ACER1: variants seen among roughly 807,000 people sequenced by gnomAD.
ACER1 encodes CTB-180A7.3.
A neutral mutation model predicts 24.9 loss-of-function variants in ACER1; 28 were observed. The ratio of observed to expected loss-of-function variants is 1.13; its 90% CI spans 0.83 to 1.54. ACER1 has a LOEUF of 1.54. Among genes scored for constraint, ACER1 ranks in the 40% most tolerant of loss-of-function variants. The pLI is 0.00. For missense variants in ACER1, 352 were observed against 349.3 expected, an observed-to-expected ratio of 1.01 and a Z score of -0.06; for synonymous variants, 132 against 131.4, an observed-to-expected ratio of 1.00 and a Z score of -0.03.
chr19:6,324,842 A>G (rs2091651472), intron 1 of ACER1, among the ~76,000 whole-genome samples: 1 of 146,060 alleles, frequency 6.8e-6, no homozygotes, highest in African/African-American at 2.5e-5. Flanking sequence ...GGAAGGAAGG[A>G]AGGAAAGAGA....
chr19:6,321,738 G>A (rs1017091991), intron 1 of ACER1, among the ~76,000 whole-genome samples: 1 of 152,156 alleles, frequency 6.6e-6, no homozygotes, highest in African/African-American at 2.4e-5. Flanking sequence ...CTCCCAAGTA[G>A]CTGGGACTAC....
intron 1 of ACER1, among the ~76,000 whole-genome samples, chr19:6,315,560 T>C (rs2091599425): frequency 6.6e-6 from 1 of 152,056 alleles, no homozygotes; most frequent in South Asian, 2.1e-4. Context: ...TTTGTATTTT[T>C]AGTAGAGGCG....
the ACER1 span, among the ~76,000 whole-genome samples, chr19:6,339,310 G>C: frequency 0.011 from 1,650 of 152,254 alleles, 33 homozygotes; most frequent in African/African-American, 0.037. Context: ...TCTGATACAG[G>C]CAACAACGTG....
At chr19:6,342,442 G>A in the ACER1 span, among the ~76,000 whole-genome samples, 757 of 152,030 alleles carry the variant, frequency 5.0e-3, 3 homozygotes, top group South Asian at 0.015. Context: ...ATTTCAGACC[G>A]GGAGTGGTGG....
the ACER1 span, among the ~76,000 whole-genome samples, chr19:6,351,232 G>A: frequency 6.6e-6 from 1 of 152,048 alleles, no homozygotes; most frequent in African/African-American, 2.4e-5. Flanking sequence ...CGGGCCTGGT[G>A]GCGGGCACCT....
the ACER1 span, among the ~76,000 whole-genome samples, chr19:6,347,385 T>C: frequency 7.0e-6 from 1 of 143,246 alleles, no homozygotes; most frequent in Non-Finnish European, 1.5e-5. Flanking sequence ...ACTCAGCTAA[T>C]GTTTCTGAAT....
the ACER1 span, among the ~76,000 whole-genome samples, chr19:6,347,109 A>AT: frequency 0.021 from 2,357 of 113,670 alleles, 32 homozygotes; most frequent in East Asian, 0.041. Flanking sequence ...AAAAAAAAAA[A>AT]ATATATATAT....
chr19:6,335,739 G>A (rs2091711653), upstream of ACER1, among the ~76,000 whole-genome samples: 1 of 151,632 alleles, frequency 6.6e-6, no homozygotes, highest in Admixed American at 6.6e-5. Context: ...GCTGAGGCAG[G>A]AGAATGGCAT....
At chr19:6,337,437 G>A (rs563467813), upstream of ACER1, among the ~76,000 whole-genome samples, 1 of 151,090 alleles carries the variant, frequency 6.6e-6, no homozygotes, top group South Asian at 2.1e-4. Context: ...TTCACGGTAG[G>A]GTTACAAAGT....
chr19:6,333,524 A>C lies in ACER1; in HGVS notation c.28T>G (p.Ser10Ala), dbSNP rs1224389627. 6.3e-7 allele frequency: 1 copy of C among 1,589,216 alleles called. No individual in the cohort carries two copies. Among genetic ancestry groups the C allele is most frequent in the Non-Finnish European group, 8.6e-7 (1 of 1,167,076 alleles). The change falls in exon 1 of 6, where the codon TCC becomes GCC. Residue 10 changes from serine to alanine, a missense_variant. By Grantham distance (99) the Ser-to-Ala change is moderately conservative. Transcript: ENST00000301452. MPSIFAYQS[S>A]EVDWCESNFQ... The stretch of plus-strand genomic sequence containing the variant: ...TTGCTCTCACACCAGTCCACCTCGG[A>C]GCTCTGATAGGCGAAGATGCTAGGC...
chr19:6,308,651 T>C (rs2091563084), intron 4 of ACER1, among the ~76,000 whole-genome samples: 1 of 152,048 alleles, frequency 6.6e-6, no homozygotes, highest in Admixed American at 6.6e-5. Flanking sequence ...GGGGTAGAGG[T>C]ATGTGTGCCT....
intron 1 of ACER1, among the ~76,000 whole-genome samples, chr19:6,331,274 T>C (rs547153719): frequency 6.8e-6 from 1 of 147,956 alleles, no homozygotes; most frequent in South Asian, 2.1e-4. Flanking sequence ...CTTAGCCTCC[T>C]GAGTAGCTGG....
chr19:6,354,552 T>C, the ACER1 span, among the ~76,000 whole-genome samples: 1 of 152,214 alleles, frequency 6.6e-6, no homozygotes. Context: ...ATAAGTTTCA[T>C]TTTATAAGAC....
chr19:6,318,235 C>T (rs138098569), intron 1 of ACER1, among the ~76,000 whole-genome samples: 202 of 149,478 alleles, frequency 1.4e-3, no homozygotes, highest in African/African-American at 4.7e-3. Flanking sequence ...TTTGGGAGGC[C>T]GAGGTGGGCC....
intron 1 of ACER1, among the ~76,000 whole-genome samples, chr19:6,323,418 C>G (rs1193946229): frequency 7.8e-6 from 1 of 128,308 alleles, no homozygotes. Flanking sequence ...GACTCCGTCT[C>G]AAAAAAAAAA....
chr19:6,355,044 C>T, the ACER1 span, among the ~76,000 whole-genome samples: 1 of 152,132 alleles, frequency 6.6e-6, no homozygotes, highest in African/African-American at 2.4e-5. Flanking sequence ...GGGCTGGTCT[C>T]CAGCTCCTAA....
chr19:6,312,526 A>G (rs755007892), intron 1 of ACER1, 27 bp from the exon 2 acceptor site: 2 of 1,585,684 alleles, frequency 1.3e-6, no homozygotes, highest in Admixed American at 3.3e-5. Context: ...CATAGGGAGG[A>G]GCTCGTCAGA....
intron 4 of ACER1, among the ~76,000 whole-genome samples, chr19:6,309,274 T>C (rs1600233640): frequency 6.6e-6 from 1 of 151,934 alleles, no homozygotes; most frequent in East Asian, 1.9e-4. Flanking sequence ...ATCCCAGCAC[T>C]TTGGGAGGCT....
upstream of ACER1, among the ~76,000 whole-genome samples, chr19:6,338,583 T>G (rs767026109): frequency 7.2e-5 from 11 of 152,192 alleles, no homozygotes; most frequent in Non-Finnish European, 1.5e-4. Context: ...AGTTTATAAT[T>G]ATTCCATTTT....
Sources: allele counts gnomAD v4.1 joint callset (sites outside exome capture counted in the v4.1 genomes callset), GRCh38; gene constraint gnomAD v4.1.1; transcripts MANE v1.5; gene names NCBI Gene and HGNC (gene_info 2026-07-23, HGNC 2026-07-21).